The following FOXN3 variants were observed in gnomAD, a reference collection of about 807,000 sequenced individuals.
FOXN3 encodes forkhead box N3.
In FOXN3, 7 loss-of-function variants were observed where a neutral mutation model predicts 38.4. That is an observed-to-expected ratio of 0.18 (90% CI 0.10 to 0.34). FOXN3 has a LOEUF of 0.34. FOXN3 is among the 10% of genes least tolerant of loss of function. The pLI, the probability that FOXN3 is intolerant of heterozygous loss-of-function variation, is 1.00. For missense variants in FOXN3, 456 were observed against 613.4 expected (o/e 0.74, Z 2.71); for synonymous variants, 230 against 242.2 (o/e 0.95, Z 0.47).
At chr14:89,429,401 A>T (rs1196779876) in intron 1 of FOXN3, among the ~76,000 whole-genome samples, 1 of 152,174 alleles carries the variant, frequency 6.6e-6, no homozygotes, top group Admixed American at 6.6e-5. Flanking sequence ...CTCTCAACGC[A>T]CTGGCTTGCT....
chr14:89,439,382 T>C lies in FOXN3; in HGVS notation c.-14-26892A>G, dbSNP rs117988627. ...ATGCAGGTCATAAAAACTCTGCTGA[T>C]AAAACAGTTTGCATTAAAGAAGCCG... On this transcript the variant is annotated intron_variant, in intron 1 of 6. Coordinates refer to the FOXN3 transcript ENST00000345097. Among the ~76,000 whole-genome samples the C allele has an allele frequency of 3.9e-3, 591 of 152,260 alleles. 4 individuals carry two copies. The highest frequency in any genetic ancestry group is 0.022 in the East Asian group (113 of 5,172).
At chr14:89,401,237 T>C (rs950793353) in intron 2 of FOXN3, among the ~76,000 whole-genome samples, 16 of 115,982 alleles carry the variant, frequency 1.4e-4, no homozygotes, top group African/African-American at 5.4e-4. Context: ...AGGTCAGGAG[T>C]TCAAGACCAG....
rs575009030 is a variant in FOXN3, at chr14:89,546,012, G to A, written c.-15+73016C>T. On this transcript the variant is annotated intron_variant, in intron 1 of 6. Coordinates refer to the FOXN3 transcript ENST00000345097. ...TTCACAGAGTTAAATGCTCAATCAA[G>A]GTTAGATGATTTTGTTTTTCACTGG... 1.4e-4 allele frequency among the ~76,000 whole-genome samples: 22 copies of A among 152,292 alleles called. No individual in the cohort carries two copies. In the South Asian group the frequency reaches 4.1e-3, roughly 29 times the overall value.
chr14:89,310,305 ACGAGG>A (rs1887498284), intron 3 of FOXN3, among the ~76,000 whole-genome samples: 1 of 152,208 alleles, frequency 6.6e-6, no homozygotes, highest in South Asian at 2.1e-4. Context: ...TCCTGCCTCC[ACGAGG>A]CGACAGAGTG....
intron 3 of FOXN3, among the ~76,000 whole-genome samples, chr14:89,321,315 G>A (rs568478491): frequency 9.8e-4 from 148 of 151,230 alleles, no homozygotes; most frequent in African/African-American, 3.4e-3. Context: ...AAAATTAAGG[G>A]CTGGGTAATC....
rs151269727 is a variant in FOXN3 at position 89,180,747 on chromosome 14, C to T, written c.805G>A (p.Val269Met). 96 of 1,612,392 alleles carry T rather than the reference C, an allele frequency of 6.0e-5. No homozygotes were observed. Among genetic ancestry groups the T allele is most frequent in the South Asian group, 3.1e-4 (28 of 90,618 alleles). ...ATGGGAGTGATTGGCAGCGGCCGCA[C>T]GCCAGGAAACAGCCCTCGGCTCAGG... is the stretch of plus-strand genomic sequence containing the variant. ...RVLSRGLFPG[V>M]RPLPITPIGV... Residue 269 changes from valine to methionine, a missense_variant, in exon 5 of 6, where the codon GTG becomes ATG. Val to Met is a conservative substitution (Grantham distance 21, BLOSUM62 1). Coordinates refer to ENST00000557258, the MANE Select transcript of FOXN3 (RefSeq NM_005197.4).
intron 1 of FOXN3, among the ~76,000 whole-genome samples, chr14:89,561,781 T>C (rs1196070265): frequency 6.6e-6 from 1 of 152,188 alleles, no homozygotes; most frequent in Non-Finnish European, 1.5e-5. Context: ...CCTGTAGCTG[T>C]ATCTAGGAAG....
intron 1 of FOXN3, among the ~76,000 whole-genome samples, chr14:89,584,958 C>T (rs978161153): frequency 1.1e-4 from 16 of 152,138 alleles, no homozygotes; most frequent in Non-Finnish European, 1.5e-4. Context: ...TCAGGTGATC[C>T]GCCCGCCTCA....
At chr14:89,382,987 A>C (rs966567204) in intron 2 of FOXN3, among the ~76,000 whole-genome samples, 3 of 149,538 alleles carry the variant, frequency 2.0e-5, no homozygotes, top group Non-Finnish European at 3.0e-5. Context: ...ATTGCTCAGA[A>C]CACTCAAGCA....
intron 1 of FOXN3, among the ~76,000 whole-genome samples, chr14:89,588,669 G>A (rs1895895219): frequency 6.6e-6 from 1 of 152,154 alleles, no homozygotes; most frequent in East Asian, 1.9e-4. Context: ...TATATTTGTG[G>A]TTAAACTCCT....
chr14:89,495,597 C>T (rs539898633), intron 1 of FOXN3, among the ~76,000 whole-genome samples: 1 of 152,308 alleles, frequency 6.6e-6, no homozygotes, highest in African/African-American at 2.4e-5. Context: ...AACCAGTACT[C>T]ATAAACTTCA....
chr14:89,506,170 G>A (rs1596301218), intron 1 of FOXN3, among the ~76,000 whole-genome samples: 1 of 99,372 alleles, frequency 1.0e-5, no homozygotes, highest in African/African-American at 3.1e-5. Context: ...CCCTCTGCCC[G>A]GCCAGCTGCC....
chr14:89,586,397 C>T (rs1253933825), intron 1 of FOXN3, among the ~76,000 whole-genome samples: 1 of 152,090 alleles, frequency 6.6e-6, no homozygotes, highest in Non-Finnish European at 1.5e-5. Flanking sequence ...TTGTCAGGGA[C>T]TCTGTGGAGG....
upstream of FOXN3, among the ~76,000 whole-genome samples, chr14:89,420,885 T>TAAAAAAAAAAAAAAAAAAA (rs10654363): frequency 7.1e-6 from 1 of 140,824 alleles, no homozygotes; most frequent in Non-Finnish European, 1.5e-5. Flanking sequence ...AGATACGAAT[T>TAAAAAAAAAAAAAAAAAAA]AAAAAAAAAA....
intron 4 of FOXN3, among the ~76,000 whole-genome samples, chr14:89,182,832 T>C (rs995636904): frequency 9.9e-5 from 15 of 152,178 alleles, no homozygotes; most frequent in African/African-American, 3.6e-4. Flanking sequence ...ACGCATGTGG[T>C]CAACGGATTT....
At chr14:89,590,883 G>A (rs1480204838) in intron 1 of FOXN3, among the ~76,000 whole-genome samples, 1 of 152,162 alleles carries the variant, frequency 6.6e-6, no homozygotes, top group African/African-American at 2.4e-5. Context: ...CCCCTACCTG[G>A]AGTGAAAGAA....
At position 89,157,188 on chromosome 14, in the gene FOXN3, A is replaced by G. The variant is rs184460557; in HGVS notation, c.*5226T>C. ...GGTTAAGTCAGAAATGATCGTTCAC[A>G]CACGTCTGATTTCAGAAGTACAACA... On this transcript the variant is annotated 3_prime_UTR_variant, in exon 6 of 6. Coordinates refer to ENST00000557258, the MANE Select transcript of FOXN3 (RefSeq NM_005197.4). 8.4e-4 allele frequency: 129 copies of G among 152,798 alleles called. No homozygotes were observed. Among genetic ancestry groups the G allele is most frequent in the African/African-American group, 3.0e-3 (126 of 41,588 alleles). 9.5% of individuals were successfully genotyped at this position (152,798 alleles called of 1,614,324 possible).
intron 2 of FOXN3, among the ~76,000 whole-genome samples, chr14:89,401,268 C>G (rs534677829): frequency 7.2e-5 from 11 of 152,046 alleles, no homozygotes; most frequent in Non-Finnish European, 1.6e-4. Flanking sequence ...ATGGTGAAAC[C>G]CCGTTTTCAC....
chr14:89,511,093 G>A (rs114822257), intron 1 of FOXN3, among the ~76,000 whole-genome samples: 3,534 of 150,268 alleles, frequency 0.024, 90 homozygotes, highest in Non-Finnish European at 0.033. Flanking sequence ...TCATCCCAGC[G>A]GTAAAGCATC....
Sources: allele counts gnomAD v4.1 joint callset (sites outside exome capture counted in the v4.1 genomes callset), GRCh38; gene constraint gnomAD v4.1.1; transcripts MANE v1.5; gene names NCBI Gene and HGNC (gene_info 2026-07-23, HGNC 2026-07-21).